TMTC3: variants seen among roughly 807,000 people sequenced by gnomAD.
TMTC3 encodes protein O-mannosyl-transferase TMTC3.
TMTC3 carries 52 observed loss-of-function variants against 92.2 expected under a neutral mutation model. That is an observed-to-expected ratio of 0.56 (90% CI 0.45 to 0.71). The LOEUF is 0.71. TMTC3 is among the 30% of genes least tolerant of loss of function. TMTC3 has a pLI of 0.00. For missense variants in TMTC3, 896 were observed against 1,057.1 expected, an observed-to-expected ratio of 0.85 and a Z score of 2.11; for synonymous variants, 339 against 363.3, an observed-to-expected ratio of 0.93 and a Z score of 0.76.
At chr12:88,166,111 A>G (rs962450305) in intron 6 of TMTC3, among the ~76,000 whole-genome samples, 3 of 152,166 alleles carry the variant, frequency 2.0e-5, no homozygotes, top group Non-Finnish European at 4.4e-5. Flanking sequence ...CTTGCCTTTC[A>G]AACAGTCCTT....
intron 1 of TMTC3, among the ~76,000 whole-genome samples, chr12:88,146,978 C>T (rs2040883668): frequency 6.7e-6 from 1 of 150,030 alleles, no homozygotes; most frequent in African/African-American, 2.4e-5. Context: ...ATCAAAGTCT[C>T]CAGGATGTCA....
intron 10 of TMTC3, among the ~76,000 whole-genome samples, chr12:88,187,178 A>AAAAAG (rs1555234285): frequency 0.039 from 5,832 of 150,750 alleles, 358 homozygotes; most frequent in African/African-American, 0.13. Flanking sequence ...AAAAAAAAAA[A>AAAAAG]AAAAGATATA....
Position 88,188,844 on chromosome 12 carries a change from T to C in TMTC3, c.1434T>C (p.Asp478=), listed in dbSNP as rs2041407665. The change falls in exon 11 of 14, where the codon GAT becomes GAC. Residue 478 remains aspartate (D), a splice_region_variant and synonymous_variant. Coordinates refer to ENST00000266712, the MANE Select transcript of TMTC3 (RefSeq NM_181783.4). ...CAAATGATTGTTTTAAAATTTTAGA[T>C]GATATTGGTGCCCATATGAATGTAG... ...YFLQATHVQP[D]DIGAHMNVGR... is the part of the protein sequence containing the mutation. 4 of 1,515,422 alleles carry C rather than the reference T, an allele frequency of 2.6e-6. No individual in the cohort carries two copies. Among genetic ancestry groups the C allele is most frequent in the Non-Finnish European group, 3.6e-6 (4 of 1,108,636 alleles). 93.9% of individuals were successfully genotyped at this position (1,515,422 alleles called of 1,614,324 possible).
chr12:88,160,983 A>G, intron 6 of TMTC3, 132 bp downstream of exon 6: 7 of 860,792 alleles, frequency 8.1e-6, no homozygotes, highest in Non-Finnish European at 1.0e-5. Flanking sequence ...CATTTTTTAA[A>G]CTGCATATAT....
At position 88,199,723 on chromosome 12, in the gene TMTC3, T is replaced by TA. The variant is rs1365274058; in HGVS notation, c.*4077dup. Reference sequence around the variant, plus strand: ...CAGGGAGGTAGCATAAAATGAAAGATAAAGTCTGAAGACTGGATCCAGGCA... The same window carrying TA: ...CAGGGAGGTAGCATAAAATGAAAGATAAAAGTCTGAAGACTGGATCCAGGCA... On this transcript the variant is annotated 3_prime_UTR_variant, in exon 14 of 14. Coordinates refer to ENST00000266712, the MANE Select transcript of TMTC3 (RefSeq NM_181783.4). 6.6e-6 allele frequency: 1 copy of TA among 152,184 alleles called. No individual in the cohort carries two copies. Among genetic ancestry groups the TA allele is most frequent in the Non-Finnish European group, 1.5e-5 (1 of 68,020 alleles). 9.4% of individuals were successfully genotyped at this position (152,184 alleles called of 1,614,324 possible). A position where few individuals can be genotyped will look rare whatever the true frequency, so the allele number is the denominator to read the frequency against.
At chr12:88,183,925 G>A (rs942309074) in intron 10 of TMTC3, among the ~76,000 whole-genome samples, 2 of 151,932 alleles carry the variant, frequency 1.3e-5, no homozygotes, top group African/African-American at 2.4e-5. Flanking sequence ...CAATTCCCTC[G>A]AACTTGGAAA....
Position 88,176,306 on chromosome 12 carries a change from C to A in TMTC3, c.1419C>A (p.Thr473=). 6.2e-7 allele frequency: 1 copy of A among 1,605,904 alleles called. No individual in the cohort carries two copies. The highest frequency in any genetic ancestry group is 8.5e-7 in the Non-Finnish European group (1 of 1,176,022). Residue 473 remains threonine (T), a synonymous_variant, in exon 10 of 14, where the codon ACC becomes ACA. Coordinates refer to ENST00000266712, the MANE Select transcript of TMTC3 (RefSeq NM_181783.4). ...ERALKYFLQA[T]HVQPDDIGAH... is the part of the protein sequence containing the mutation. ...CTTTGAAATACTTCTTACAGGCTAC[C>A]CATGTTCAGCCAGGTAAGCATTATT...
intron 2 of TMTC3, among the ~76,000 whole-genome samples, chr12:88,149,848 G>A (rs2138360267): frequency 6.6e-6 from 1 of 152,050 alleles, no homozygotes; most frequent in African/African-American, 2.4e-5. Flanking sequence ...ATAGTAAGGG[G>A]GAAAATATGG....
intron 10 of TMTC3, among the ~76,000 whole-genome samples, chr12:88,180,382 C>T (rs1358862565): frequency 6.6e-6 from 1 of 151,948 alleles, no homozygotes; most frequent in Non-Finnish European, 1.5e-5. Context: ...GGGTGTCTGC[C>T]CAGGTAACAG....
intron 7 of TMTC3, among the ~76,000 whole-genome samples, chr12:88,169,373 G>A (rs1592735772): frequency 6.6e-6 from 1 of 152,170 alleles, no homozygotes; most frequent in Middle Eastern, 3.4e-3. Flanking sequence ...GGGGAATTAA[G>A]GTTTCAGCAA....
At chr12:88,174,505 T>G in intron 8 of TMTC3, 102 bp from the exon 9 acceptor site, 1 of 1,304,946 alleles carries the variant, frequency 7.7e-7, no homozygotes, top group East Asian at 2.4e-5. Flanking sequence ...ACATATGATA[T>G]TTTAGGAGCA....
chr12:88,154,233 T>A (rs1193283482), intron 3 of TMTC3, 55 bp from the exon 4 acceptor site: 2 of 1,231,598 alleles, frequency 1.6e-6, no homozygotes, highest in Admixed American at 4.2e-5. Context: ...TTATATATAG[T>A]AATTTTTCAA....
chr12:88,179,739 CA>C (rs2041296767), intron 10 of TMTC3, among the ~76,000 whole-genome samples: 1 of 151,890 alleles, frequency 6.6e-6, no homozygotes, highest in South Asian at 2.1e-4. Context: ...GCCCCGGTCG[CA>C]TTTATTTAAT....
At chr12:88,183,411 G>A (rs1294252385) in intron 10 of TMTC3, among the ~76,000 whole-genome samples, 1 of 152,162 alleles carries the variant, frequency 6.6e-6, no homozygotes, top group Non-Finnish European at 1.5e-5. Context: ...CAGGCTAAGA[G>A]CTCCCCTTCT....
At chr12:88,188,541 A>T (rs1384874433) in intron 10 of TMTC3, among the ~76,000 whole-genome samples, 3 of 152,210 alleles carry the variant, frequency 2.0e-5, no homozygotes, top group Non-Finnish European at 4.4e-5. Flanking sequence ...ACTCTTCAAA[A>T]ATCCATTCAA....
chr12:88,159,455 G>A (rs542313440), intron 4 of TMTC3, among the ~76,000 whole-genome samples: 32 of 152,184 alleles, frequency 2.1e-4, no homozygotes, highest in African/African-American at 7.0e-4. Flanking sequence ...GAGGCCAAGA[G>A]TTTGAGACCA....
chr12:88,180,042 TACA>T (rs1411546198), intron 10 of TMTC3, among the ~76,000 whole-genome samples: 3 of 152,174 alleles, frequency 2.0e-5, no homozygotes, highest in Non-Finnish European at 4.4e-5. Context: ...AACTTTTTCT[TACA>T]ACTTTTCCCA....
Position 88,160,213 on chromosome 12 carries a change from T to A in TMTC3, c.608T>A (p.Val203Glu). Residue 203 changes from valine to glutamate, a missense_variant, in exon 5 of 14, where the codon GTG becomes GAG. Coordinates refer to ENST00000266712, the MANE Select transcript of TMTC3 (RefSeq NM_181783.4). ...GTAGGAATTTGCTGTGTGTATGAAG[T>A]GTTTATTGCCCAGGGGGTAAGCCAA... ...TVVGICCVYE[V>E]FIAQGYTLPL... 1 of 1,558,182 alleles carries A rather than the reference T, an allele frequency of 6.4e-7. No individual in the cohort carries two copies. Among genetic ancestry groups the A allele is most frequent in the Non-Finnish European group, 8.6e-7 (1 of 1,156,534 alleles).
At chr12:88,190,685 T>C (rs1419666810) in intron 12 of TMTC3, 63 bp downstream of exon 12, 1 of 1,496,224 alleles carries the variant, frequency 6.7e-7, no homozygotes, top group Non-Finnish European at 9.0e-7. Flanking sequence ...CATGTACATT[T>C]TGAATGAATT....
Sources: allele counts gnomAD v4.1 joint callset (sites outside exome capture counted in the v4.1 genomes callset), GRCh38; gene constraint gnomAD v4.1.1; transcripts MANE v1.5; gene names NCBI Gene and HGNC (gene_info 2026-07-23, HGNC 2026-07-21).